The following GLIS3 variants were observed in gnomAD, a reference collection of about 807,000 sequenced individuals.
GLIS3 encodes zinc finger protein GLIS3.
GLIS3 carries 53 observed loss-of-function variants against 78.6 expected under a neutral mutation model. The ratio of observed to expected loss-of-function variants is 0.67; its 90% CI spans 0.54 to 0.85. GLIS3 has a LOEUF of 0.85. Ranked by LOEUF, GLIS3 falls within the 40% of genes least tolerant of loss-of-function variation. The pLI, the probability that GLIS3 is intolerant of heterozygous loss-of-function variation, is 0.00. For synonymous variants in GLIS3, 684 were observed against 509.9 expected (o/e 1.34, Z -4.60); for missense variants, 1,703 against 1,231.1 (o/e 1.38, Z -5.74).
At chr9:3,842,191 C>A (rs1050866344) in intron 9 of GLIS3, among the ~76,000 whole-genome samples, 1 of 152,122 alleles carries the variant, frequency 6.6e-6, no homozygotes, top group African/African-American at 2.4e-5. Context: ...AAGACTTCCC[C>A]AGCTGGGTGC....
At chr9:4,325,303 T>A (rs969123554) in intron 2 of GLIS3, among the ~76,000 whole-genome samples, 3 of 152,202 alleles carry the variant, frequency 2.0e-5, no homozygotes, top group Admixed American at 2.0e-4. Context: ...AAGTTCCCCT[T>A]GAAACCACTT....
chr9:4,260,013 G>A (rs1471811429), intron 2 of GLIS3, among the ~76,000 whole-genome samples: 1 of 152,190 alleles, frequency 6.6e-6, no homozygotes, highest in Non-Finnish European at 1.5e-5. Flanking sequence ...AAGGGAGATG[G>A]AAACACAGAG....
intron 2 of GLIS3, among the ~76,000 whole-genome samples, chr9:4,329,740 C>G (rs1220936838): frequency 1.3e-5 from 2 of 152,046 alleles, no homozygotes; most frequent in African/African-American, 4.8e-5. Context: ...TAGCATCTAC[C>G]CAGTGTTTAA....
At chr9:4,199,553 A>G (rs1404362533) in intron 2 of GLIS3, among the ~76,000 whole-genome samples, 2 of 150,862 alleles carry the variant, frequency 1.3e-5, no homozygotes, top group Non-Finnish European at 2.9e-5. Context: ...AAACAGGACC[A>G]AAAAAGGTAA....
Position 4,279,287 on chromosome 9 carries a change from G to A in GLIS3, c.388+6751C>T, listed in dbSNP as rs1229562872. On this transcript the variant is annotated intron_variant, in intron 2 of 10. Coordinates refer to ENST00000381971, the MANE Select transcript of GLIS3 (RefSeq NM_001042413.2). ...CACTCCAGCCTGGGCAACAGAGCAA[G>A]ACTCCATCTCAAAAAAAAAAAAAAA... 2.0e-4 allele frequency among the ~76,000 whole-genome samples: 16 copies of A among 78,944 alleles called. 2 individuals carry two copies. The highest frequency in any genetic ancestry group is 0.024 in the Middle Eastern group (2 of 82). The allele number at this position is 78,944 out of a possible 152,430, so 51.8% of individuals were successfully genotyped here.
intron 2 of GLIS3, among the ~76,000 whole-genome samples, chr9:4,194,511 C>G (rs745998304): frequency 6.6e-6 from 1 of 152,156 alleles, no homozygotes; most frequent in Non-Finnish European, 1.5e-5. Context: ...GGAAATCTGC[C>G]TATGTGAGAG....
At chr9:4,127,650 A>G (rs1380010977) in intron 2 of GLIS3, among the ~76,000 whole-genome samples, 2 of 152,200 alleles carry the variant, frequency 1.3e-5, no homozygotes, top group East Asian at 3.9e-4. Context: ...AAAAAAGGCA[A>G]TGTGATGGTT....
intron 2 of GLIS3, among the ~76,000 whole-genome samples, chr9:4,332,181 A>C (rs1188722126): frequency 6.6e-6 from 1 of 152,192 alleles, no homozygotes; most frequent in Admixed American, 6.5e-5. Flanking sequence ...GGAAATCCCA[A>C]AATAGAAGAA....
At chr9:4,334,916 TTTTTTTTTTTG>T (rs1430815580) in intron 2 of GLIS3, among the ~76,000 whole-genome samples, 1 of 148,082 alleles carries the variant, frequency 6.8e-6, no homozygotes, top group African/African-American at 2.5e-5. Flanking sequence ...TTTTTTTTTT[TTTTTTTTTTTG>T]AAACGGAGTC....
At chr9:3,830,093 T>C (rs1817959606) in intron 9 of GLIS3, among the ~76,000 whole-genome samples, 1 of 152,166 alleles carries the variant, frequency 6.6e-6, no homozygotes, top group Admixed American at 6.5e-5. Context: ...AATAATGTTA[T>C]GAAAATGTTA....
At chr9:4,059,338 C>T (rs1826426825) in intron 4 of GLIS3, among the ~76,000 whole-genome samples, 1 of 152,172 alleles carries the variant, frequency 6.6e-6, no homozygotes, top group Non-Finnish European at 1.5e-5. Context: ...CACTACACTC[C>T]TGGTTTTTGG....
chr9:4,410,396 G>C, the GLIS3 span, among the ~76,000 whole-genome samples: 3 of 152,088 alleles, frequency 2.0e-5, no homozygotes, highest in Admixed American at 2.0e-4. Context: ...TAATTCTTTA[G>C]TTACAGTTGT....
intron 8 of GLIS3, among the ~76,000 whole-genome samples, chr9:3,864,296 T>A (rs912863151): frequency 6.6e-6 from 1 of 152,156 alleles, no homozygotes; most frequent in African/African-American, 2.4e-5. Flanking sequence ...TACAATAGAA[T>A]GCATTAGATG....
chr9:4,212,814 G>A (rs1256171254), intron 2 of GLIS3, among the ~76,000 whole-genome samples: 1 of 152,158 alleles, frequency 6.6e-6, no homozygotes, highest in South Asian at 2.1e-4. Context: ...TTTCAGAAAA[G>A]TTAATGGGGG....
chr9:4,252,540 G>A (rs536094950), intron 2 of GLIS3, among the ~76,000 whole-genome samples: 1 of 152,042 alleles, frequency 6.6e-6, no homozygotes, highest in East Asian at 1.9e-4. Flanking sequence ...TCCTTGCATT[G>A]GGTTAGAACT....
chr9:4,285,779 A>G (rs185177278), intron 2 of GLIS3: 433 of 490,180 alleles, frequency 8.8e-4, no homozygotes, highest in Admixed American at 1.9e-3. Flanking sequence ...CTGCCTCCCT[A>G]TTTTTTATCT....
intron 9 of GLIS3, among the ~76,000 whole-genome samples, chr9:3,846,632 A>G (rs1819061496): frequency 6.6e-6 from 1 of 152,144 alleles, no homozygotes; most frequent in Non-Finnish European, 1.5e-5. Flanking sequence ...CAAACTGAAA[A>G]TGTTTTCTTA....
chr9:3,842,383 A>T (rs1465266534), intron 9 of GLIS3, among the ~76,000 whole-genome samples: 2 of 152,134 alleles, frequency 1.3e-5, no homozygotes, highest in Non-Finnish European at 2.9e-5. Flanking sequence ...GACGCAGAAG[A>T]ATTGCTTGAA....
chr9:4,434,556 T>C, the GLIS3 span, among the ~76,000 whole-genome samples: 1 of 152,168 alleles, frequency 6.6e-6, no homozygotes, highest in African/African-American at 2.4e-5. Flanking sequence ...GTGTTGTGTA[T>C]ATTCAATTAA....
Sources: gnomAD v4.1 joint callset for allele counts (sites outside exome capture counted in the v4.1 genomes callset) on GRCh38, gnomAD v4.1.1 for gene constraint, MANE v1.5 for transcripts, NCBI Gene and HGNC (gene_info 2026-07-23, HGNC 2026-07-21) for gene names.